Variants in MLLT10 observed in about 807,000 individuals in gnomAD.
MLLT10 encodes MLLT10 histone lysine methyltransferase DOT1L cofactor.
In MLLT10, 30 loss-of-function variants were observed where a neutral mutation model predicts 129.1. The ratio of observed to expected loss-of-function variants is 0.23; its 90% CI spans 0.17 to 0.32. MLLT10 has a LOEUF of 0.32. MLLT10 is among the 10% of genes least tolerant of loss of function. The probability of loss-of-function intolerance (pLI) is 1.00; values close to 1 mark genes in which losing one functional copy is unlikely to be tolerated. For missense variants in MLLT10, 1,119 were observed against 1,268.3 expected, an observed-to-expected ratio of 0.88 and a Z score of 1.79; for synonymous variants, 490 against 446.4, an observed-to-expected ratio of 1.10 and a Z score of -1.23.
chr10:21,570,794 TTC>T (rs1257668416), intron 3 of MLLT10, among the ~76,000 whole-genome samples: 1 of 152,178 alleles, frequency 6.6e-6, no homozygotes, highest in Non-Finnish European at 1.5e-5. Flanking sequence ...TGTCTGCTAA[TTC>T]TCTTTTCTGT....
intron 8 of MLLT10, among the ~76,000 whole-genome samples, chr10:21,633,637 A>G (rs1404508168): frequency 6.6e-6 from 1 of 152,090 alleles, no homozygotes; most frequent in Non-Finnish European, 1.5e-5. Context: ...CGAGGCCACA[A>G]AAGCTGAGAT....
At chr10:21,717,636 T>C (rs1186969441) in intron 14 of MLLT10, among the ~76,000 whole-genome samples, 14 of 137,494 alleles carry the variant, frequency 1.0e-4, no homozygotes, top group African/African-American at 3.5e-4. Context: ...CTCCTCCTCC[T>C]CCTTTTCCTC....
intron 8 of MLLT10, among the ~76,000 whole-genome samples, chr10:21,641,259 A>G (rs1314693295): frequency 6.6e-6 from 1 of 152,250 alleles, no homozygotes; most frequent in Non-Finnish European, 1.5e-5. Context: ...TTAAAAAATG[A>G]AAGTTAAAAA....
intron 8 of MLLT10, among the ~76,000 whole-genome samples, chr10:21,636,188 A>T (rs950870266): frequency 6.6e-6 from 1 of 151,832 alleles, no homozygotes; most frequent in South Asian, 2.1e-4. Context: ...TGGCATGATC[A>T]TGGCTCACTG....
At chr10:21,707,394 T>C (rs2131496269) in intron 13 of MLLT10, among the ~76,000 whole-genome samples, 1 of 151,998 alleles carries the variant, frequency 6.6e-6, no homozygotes, top group South Asian at 2.1e-4. Flanking sequence ...GGTTTCACCG[T>C]GTTAGCCAGG....
rs555496064 is a variant in MLLT10 at position 21,649,609 on chromosome 10, T to C, written c.700-2064T>C. On this transcript the variant is annotated intron_variant, in intron 8 of 22. Coordinates refer to ENST00000307729, the MANE Select transcript of MLLT10 (RefSeq NM_001195626.3). Reference sequence around the variant, plus strand: ...GTGTTCAGTGTTGGTCTTATTCACATGTCTGGCGCCAGGCGCTGCTGGCTA... The same window carrying C: ...GTGTTCAGTGTTGGTCTTATTCACACGTCTGGCGCCAGGCGCTGCTGGCTA... Among the ~76,000 whole-genome samples, 4 of 152,374 alleles carry C rather than the reference T, an allele frequency of 2.6e-5. No homozygotes were observed. The East Asian group carries it at 7.7e-4, about 29-fold the overall frequency.
intron 3 of MLLT10, among the ~76,000 whole-genome samples, chr10:21,574,758 A>T (rs2040557600): frequency 6.6e-6 from 1 of 152,028 alleles, no homozygotes; most frequent in Non-Finnish European, 1.5e-5. Flanking sequence ...CGCTTGTGGG[A>T]GTGTCTCTTA....
chr10:21,574,288 T>A (rs1419532749), intron 3 of MLLT10, among the ~76,000 whole-genome samples: 5 of 152,230 alleles, frequency 3.3e-5, no homozygotes, highest in Non-Finnish European at 1.5e-5. Flanking sequence ...CTTCTTAATA[T>A]CTTTGGGATT....
chr10:21,611,255 C>T lies in MLLT10; in HGVS notation c.406-1093C>T, dbSNP rs2044624242. The stretch of plus-strand genomic sequence containing the variant: ...AACTCCTGACCTCAGGTGATCCACC[C>T]ATCTCGGCCTCCCAAAGTGCTGGGA... On this transcript the variant is annotated intron_variant, in intron 5 of 22. Transcript: ENST00000307729. Among the ~76,000 whole-genome samples, 3 of 151,476 alleles carry T rather than the reference C, an allele frequency of 2.0e-5. No individual in the cohort carries two copies. The South Asian group carries it at 6.3e-4, about 32-fold the overall frequency.
chr10:21,741,838 A>C, intron 22 of MLLT10, 101 bp from the exon 23 acceptor site: 1 of 1,276,830 alleles, frequency 7.8e-7, no homozygotes, highest in Non-Finnish European at 1.1e-6. Context: ...AAAAGGGAGT[A>C]ACTTTCTATA....
chr10:21,632,650 T>C (rs1410654506), intron 8 of MLLT10, among the ~76,000 whole-genome samples: 1 of 152,180 alleles, frequency 6.6e-6, no homozygotes, highest in African/African-American at 2.4e-5. Context: ...AAGTTTTGTA[T>C]TTGGGGGCAT....
chr10:21,574,288 T>C (rs1419532749), intron 3 of MLLT10, among the ~76,000 whole-genome samples: 1 of 152,230 alleles, frequency 6.6e-6, no homozygotes, highest in African/African-American at 2.4e-5. Flanking sequence ...CTTCTTAATA[T>C]CTTTGGGATT....
At chr10:21,549,287 C>T (rs756690062) in intron 3 of MLLT10, among the ~76,000 whole-genome samples, 2 of 152,008 alleles carry the variant, frequency 1.3e-5, no homozygotes, top group African/African-American at 4.8e-5. Flanking sequence ...CCACTCCTGG[C>T]GAATTTTTTG....
At chr10:21,701,926 G>A (rs950724537) in intron 13 of MLLT10, among the ~76,000 whole-genome samples, 5 of 149,496 alleles carry the variant, frequency 3.3e-5, no homozygotes, top group African/African-American at 9.9e-5. Flanking sequence ...GTCTCGTCTC[G>A]TCTCGTCTCT....
At chr10:21,556,619 G>C in intron 3 of MLLT10, 1 of 1,579,542 alleles carries the variant, frequency 6.3e-7, no homozygotes, top group Non-Finnish European at 8.7e-7. Context: ...TAGTGAATAA[G>C]GGATTGTTTT....
intron 3 of MLLT10, among the ~76,000 whole-genome samples, chr10:21,555,047 C>CTGA (rs1355864700): frequency 6.6e-6 from 1 of 151,808 alleles, no homozygotes; most frequent in Admixed American, 6.6e-5. Flanking sequence ...TCTCGAACTC[C>CTGA]TGACCTCAGG....
chr10:21,600,590 T>C (rs1211799160), intron 5 of MLLT10, among the ~76,000 whole-genome samples: 1 of 152,226 alleles, frequency 6.6e-6, no homozygotes, highest in African/African-American at 2.4e-5. Context: ...ATTGAATATA[T>C]TTGCATTTGT....
At chr10:21,669,290 G>A (rs554133736) in intron 9 of MLLT10, among the ~76,000 whole-genome samples, 13 of 151,906 alleles carry the variant, frequency 8.6e-5, no homozygotes, top group African/African-American at 3.1e-4. Flanking sequence ...AGCAAGATTT[G>A]GTTTTCCAAA....
At chr10:21,602,222 G>A (rs1357931664) in intron 5 of MLLT10, among the ~76,000 whole-genome samples, 1 of 152,176 alleles carries the variant, frequency 6.6e-6, no homozygotes, top group Non-Finnish European at 1.5e-5. Flanking sequence ...GGTTGTCCAG[G>A]TGGGCAACAA....
Sources: gnomAD v4.1 joint callset for allele counts (sites outside exome capture counted in the v4.1 genomes callset) on GRCh38, gnomAD v4.1.1 for gene constraint, MANE v1.5 for transcripts, NCBI Gene and HGNC (gene_info 2026-07-23, HGNC 2026-07-21) for gene names.